FRMPD4: variants seen among roughly 807,000 people sequenced by gnomAD.
FRMPD4 encodes FERM and PDZ domain-containing protein 4.
In FRMPD4, 22 loss-of-function variants were observed where a neutral mutation model predicts 94.1. The ratio of observed to expected loss-of-function variants is 0.23; its 90% CI spans 0.17 to 0.33. FRMPD4 has a LOEUF of 0.33. FRMPD4 is among the 10% of genes least tolerant of loss of function. FRMPD4 has a pLI of 1.00. For missense variants in FRMPD4, 1,111 were observed against 1,339.9 expected (o/e 0.83, Z 2.67); for synonymous variants, 631 against 548.6 (o/e 1.15, Z -2.10).
Position 12,718,555 on chromosome X carries a change from G to C in FRMPD4, c.3729G>C (p.Leu1243=), listed in dbSNP as rs754021168. 14 of 1,203,410 alleles carry C rather than the reference G, an allele frequency of 1.2e-5. No individual in the cohort carries two copies. The highest frequency in any genetic ancestry group is 4.4e-5 in the Admixed American group (2 of 45,867). The change falls in exon 16 of 17, where the codon CTG becomes CTC. Residue 1243 remains leucine, a synonymous_variant. Transcript: ENST00000675598. ...TGGAGTCGCCGCTCTGCCCCTCCCT[G>C]GGGAAGCACTTGATTCCTGACGCTT... The part of the protein sequence containing the change: ...TPVESPLCPS[L]GKHLIPDASG...
chrX:12,432,985 C>A (rs1465515261), intron 1 of FRMPD4, among the ~76,000 whole-genome samples: 2 of 112,375 alleles, frequency 1.8e-5, no homozygotes, highest in African/African-American at 6.5e-5. Context: ...TTAGTGAAAA[C>A]AATATTCCAA....
At chrX:12,140,727 T>C (rs1398237884) in intron 1 of FRMPD4, among the ~76,000 whole-genome samples, 1 of 112,627 alleles carries the variant, frequency 8.9e-6, no homozygotes, top group African/African-American at 3.2e-5. Context: ...CATGTGTCAG[T>C]GAAAAGATGT....
chrX:11,986,100 T>C (rs2054427929), intron 3 of FRMPD4, among the ~76,000 whole-genome samples: 1 of 112,317 alleles, frequency 8.9e-6, no homozygotes, highest in Admixed American at 9.4e-5. Context: ...CACTCAGTAC[T>C]GTGCTGGCTT....
At chrX:11,860,298 C>T (rs993240538) in intron 1 of FRMPD4, among the ~76,000 whole-genome samples, 2 of 112,097 alleles carry the variant, frequency 1.8e-5, no homozygotes, top group Non-Finnish European at 3.8e-5. Flanking sequence ...TTTTGATTGA[C>T]ATGCAAGAAG....
intron 2 of FRMPD4, among the ~76,000 whole-genome samples, chrX:12,566,094 A>G (rs1003574346): frequency 8.0e-5 from 9 of 111,986 alleles, no homozygotes; most frequent in Non-Finnish European, 1.9e-5. Context: ...CTGAACACCT[A>G]GAAGGTAGAA....
chrX:12,700,104 G>A (rs73632694), intron 9 of FRMPD4, among the ~76,000 whole-genome samples: 3,309 of 111,596 alleles, frequency 0.03, 152 homozygotes, highest in African/African-American at 0.1. Context: ...GCTGGCTTTG[G>A]GGAAAGGGGG....
At chrX:12,459,340 GAAAATTTGCCAAT>G (rs2057369561) in intron 1 of FRMPD4, among the ~76,000 whole-genome samples, 1 of 110,196 alleles carries the variant, frequency 9.1e-6, no homozygotes. Context: ...TTATATACAA[GAAAATTTGCCAAT>G]CTGAAGTGTA....
chrX:11,966,839 T>G (rs763586978), intron 3 of FRMPD4, among the ~76,000 whole-genome samples: 7 of 112,052 alleles, frequency 6.2e-5, no homozygotes, highest in Non-Finnish European at 1.3e-4. Context: ...TTTCATTTAT[T>G]TTTAAGAGAC....
chrX:12,375,189 C>G (rs1569251368), intron 1 of FRMPD4: 1 of 112,851 alleles, frequency 8.9e-6, no homozygotes. Flanking sequence ...AGATTATCCA[C>G]CCTGACCACA....
At chrX:12,002,018 G>A (rs947467527) in intron 3 of FRMPD4, among the ~76,000 whole-genome samples, 2 of 111,607 alleles carry the variant, frequency 1.8e-5, no homozygotes, top group Admixed American at 1.9e-4. Context: ...GGCCAGAAGA[G>A]CATTCATTGA....
intron 3 of FRMPD4, among the ~76,000 whole-genome samples, chrX:11,971,880 C>T (rs2054342147): frequency 8.9e-6 from 1 of 112,395 alleles, no homozygotes; most frequent in Admixed American, 9.4e-5. Context: ...AAATATGCCT[C>T]TTACAATGGA....
intron 4 of FRMPD4, among the ~76,000 whole-genome samples, chrX:12,658,612 C>A (rs2059683115): frequency 8.9e-6 from 1 of 111,881 alleles, no homozygotes. Context: ...TGGTGGCCTG[C>A]TTTTGCTTAA....
chrX:12,608,908 C>T (rs2059154606), intron 2 of FRMPD4, among the ~76,000 whole-genome samples: 1 of 111,684 alleles, frequency 9.0e-6, no homozygotes, highest in Non-Finnish European at 1.9e-5. Flanking sequence ...GCTTGGGGCG[C>T]CAACCCCACA....
chrX:12,241,534 G>A (rs1171313701), intron 1 of FRMPD4, among the ~76,000 whole-genome samples: 3 of 111,889 alleles, frequency 2.7e-5, no homozygotes, highest in Non-Finnish European at 5.6e-5. Flanking sequence ...TGACTGGGGC[G>A]GCTACTCTGG....
intron 1 of FRMPD4, among the ~76,000 whole-genome samples, chrX:11,863,678 A>G (rs1455600989): frequency 8.9e-6 from 1 of 112,430 alleles, no homozygotes; most frequent in Non-Finnish European, 1.9e-5. Context: ...AATATAAGTT[A>G]AAAATAATGA....
intron 1 of FRMPD4, among the ~76,000 whole-genome samples, chrX:11,834,088 G>A (rs180898105): frequency 1.5e-4 from 17 of 111,257 alleles, no homozygotes; most frequent in Admixed American, 4.8e-4. Context: ...TGACTAGTAC[G>A]CCTCTCTTTC....
In FRMPD4 at chrX:12,720,622, A is replaced by T; in HGVS notation, c.4053A>T (p.Ser1351=). The stretch of plus-strand genomic sequence containing the variant: ...AAGCTGATCCCATCCTGCTACCATC[A>T]AACATTCACTCGGAATCAAAGGTGC... ...HPEADPILLP[S]NIHSESKVPI... is the part of the protein sequence containing the mutation. The change falls in exon 17 of 17, where the codon TCA becomes TCT. Residue 1351 remains serine, a synonymous_variant. Transcript: ENST00000675598. The T allele has an allele frequency of 8.4e-7, 1 of 1,188,530 alleles. No individual in the cohort carries two copies. The highest frequency in any genetic ancestry group is 3.0e-5 in the East Asian group (1 of 33,469).
intron 3 of FRMPD4, among the ~76,000 whole-genome samples, chrX:11,958,651 G>A (rs2054268624): frequency 9.0e-6 from 1 of 111,678 alleles, no homozygotes; most frequent in African/African-American, 3.3e-5. Flanking sequence ...TTTTGATTTG[G>A]TCTGTTGAGC....
chrX:11,865,952 A>G (rs1445319731), intron 2 of FRMPD4, among the ~76,000 whole-genome samples: 2 of 111,799 alleles, frequency 1.8e-5, no homozygotes, highest in African/African-American at 6.5e-5. Context: ...CTAAAACTCA[A>G]ATTTCAAGAA....
Sources: allele counts gnomAD v4.1 joint callset (sites outside exome capture counted in the v4.1 genomes callset), GRCh38; gene constraint gnomAD v4.1.1; transcripts MANE v1.5; gene names NCBI Gene and HGNC (gene_info 2026-07-23, HGNC 2026-07-21).